Variants in ARMC2 observed in about 807,000 individuals in gnomAD.
ARMC2 encodes armadillo repeat-containing protein 2.
A neutral mutation model predicts 90.3 loss-of-function variants in ARMC2; 67 were observed. The ratio of observed to expected loss-of-function variants is 0.74; its 90% CI spans 0.61 to 0.91. The LOEUF is 0.91. ARMC2 is among the 40% of genes least tolerant of loss of function. ARMC2 has a pLI of 0.00. For missense variants in ARMC2, 920 were observed against 1,030.9 expected, an observed-to-expected ratio of 0.89 and a Z score of 1.47; for synonymous variants, 393 against 393.0, an observed-to-expected ratio of 1.00 and a Z score of 0.00.
At chr6:108,989,558 T>G in the ARMC2 span, among the ~76,000 whole-genome samples, 1 of 104,166 alleles carries the variant, frequency 9.6e-6, no homozygotes, top group African/African-American at 4.4e-5. Flanking sequence ...TAGATCTAGA[T>G]CTCTAGATCT....
the ARMC2 span, chr6:108,988,822 A>C: frequency 1.4e-3 from 879 of 628,408 alleles, 5 homozygotes; most frequent in African/African-American, 0.015. Context: ...AAAATGATAG[A>C]GCTTTATAAC....
chr6:108,864,211 G>A lies in ARMC2; in HGVS notation c.292-4613G>A, dbSNP rs377590412. On this transcript the variant is annotated intron_variant, in intron 3 of 17. Transcript: ENST00000392644. ...TAATAGAAATGCACACAGAACTGCC[G>A]CGTCACAAAGGTTCTGTGCTTGTGT... Among the ~76,000 whole-genome samples the A allele has an allele frequency of 5.9e-5, 9 of 151,886 alleles. No individual in the cohort carries two copies. The East Asian group carries it at 9.7e-4, about 16-fold the overall frequency.
chr6:108,885,344 T>C (rs1777983278), intron 5 of ARMC2, among the ~76,000 whole-genome samples: 1 of 152,144 alleles, frequency 6.6e-6, no homozygotes, highest in Non-Finnish European at 1.5e-5. Flanking sequence ...TTTAAAACCA[T>C]GTCCTTTAAT....
intron 11 of ARMC2, among the ~76,000 whole-genome samples, chr6:108,928,725 T>C (rs1775295233): frequency 6.6e-6 from 1 of 152,196 alleles, no homozygotes; most frequent in African/African-American, 2.4e-5. Flanking sequence ...CTTCCAGAAA[T>C]AATGATCATT....
the ARMC2 span, among the ~76,000 whole-genome samples, chr6:108,980,555 A>G: frequency 7.2e-3 from 1,083 of 151,154 alleles, 19 homozygotes; most frequent in African/African-American, 0.025. Flanking sequence ...TGCTCTCTTC[A>G]GAGCCAGCAG....
rs1774769282 is a variant in ARMC2 at position 108,923,276 on chromosome 6, C to T, written c.1351-4812C>T. Among the ~76,000 whole-genome samples, 3 of 152,066 alleles carry T rather than the reference C, an allele frequency of 2.0e-5. No homozygotes were observed. The South Asian group carries it at 6.2e-4, about 32-fold the overall frequency. On this transcript the variant is annotated intron_variant, in intron 10 of 17. Coordinates refer to ENST00000392644, the MANE Select transcript of ARMC2 (RefSeq NM_032131.6). ...AGAAAAATGTGTGTTTAAGTTTGTGCATTTATAGATAATATAAATTAGAAT... is the reference window on the plus strand; with the variant it reads ...AGAAAAATGTGTGTTTAAGTTTGTGTATTTATAGATAATATAAATTAGAAT...
the ARMC2 span, among the ~76,000 whole-genome samples, chr6:109,046,225 C>T: frequency 2.2e-4 from 33 of 148,320 alleles, no homozygotes; most frequent in Non-Finnish European, 5.0e-4. Context: ...TGCCGAGTGC[C>T]TGCGATTGCA....
At chr6:109,040,711 G>A in the ARMC2 span, among the ~76,000 whole-genome samples, 1 of 149,546 alleles carries the variant, frequency 6.7e-6, no homozygotes, top group Admixed American at 6.7e-5. Flanking sequence ...GGAGTGCAGT[G>A]GCGCAATCTC....
the ARMC2 span, among the ~76,000 whole-genome samples, chr6:109,026,828 A>T: frequency 6.6e-6 from 1 of 152,124 alleles, no homozygotes; most frequent in Non-Finnish European, 1.5e-5. Context: ...AGTAACTGCC[A>T]AACTGTTTTC....
At chr6:109,032,619 T>G in the ARMC2 span, among the ~76,000 whole-genome samples, 47 of 147,828 alleles carry the variant, frequency 3.2e-4, no homozygotes, top group African/African-American at 1.1e-3. Flanking sequence ...CTTCATCTCG[T>G]GGGGGGAGTG....
At chr6:108,942,775 T>C (rs1776547115) in intron 12 of ARMC2, among the ~76,000 whole-genome samples, 1 of 152,194 alleles carries the variant, frequency 6.6e-6, no homozygotes. Context: ...TTAGTATTGC[T>C]TCTGTCTTGA....
At chr6:108,860,727 C>A (rs60409294) in intron 3 of ARMC2, among the ~76,000 whole-genome samples, 2,400 of 150,182 alleles carry the variant, frequency 0.016, 78 homozygotes, top group African/African-American at 0.057. Context: ...TAGGTGGTAT[C>A]TACCCACACC....
intron 11 of ARMC2, among the ~76,000 whole-genome samples, chr6:108,934,662 C>T (rs1308045355): frequency 1.3e-5 from 2 of 152,126 alleles, no homozygotes; most frequent in Non-Finnish European, 2.9e-5. Flanking sequence ...ATATTGTTGA[C>T]TACTGATTCA....
At chr6:108,885,171 A>G (rs1013139278) in intron 5 of ARMC2, among the ~76,000 whole-genome samples, 3 of 152,116 alleles carry the variant, frequency 2.0e-5, no homozygotes, top group Non-Finnish European at 2.9e-5. Context: ...AATCGTGTAT[A>G]TATATATAGA....
At chr6:108,943,082 T>C (rs1475544907) in intron 12 of ARMC2, among the ~76,000 whole-genome samples, 2 of 152,204 alleles carry the variant, frequency 1.3e-5, no homozygotes, top group African/African-American at 2.4e-5. Flanking sequence ...GGCCGTTTGC[T>C]GTTGGAAGAA....
Position 108,936,997 on chromosome 6 carries a change from C to T in ARMC2, c.1594C>T (p.Gln532Ter). Residue 532 changes from glutamine (Q) to a stop codon, truncating the protein, a stop_gained and splice_region_variant, in exon 12 of 18, where the codon CAG becomes TAG. Transcript: ENST00000392644. LOFTEE classifies it high-confidence loss of function. ...LNLINKYQKK[Q>*]DLVVRVVFIL... ...TCTAATTAACAAATACCAGAAGAAGCAGGTCAGTTCTTCATTCATTTAATT... is the reference window on the plus strand; with the variant it reads ...TCTAATTAACAAATACCAGAAGAAGTAGGTCAGTTCTTCATTCATTTAATT... 1.3e-6 allele frequency: 2 copies of T among 1,582,324 alleles called. No individual in the cohort carries two copies. The highest frequency in any genetic ancestry group is 1.7e-6 in the Non-Finnish European group (2 of 1,161,744).
the ARMC2 span, among the ~76,000 whole-genome samples, chr6:109,031,932 T>C: frequency 4.6e-5 from 7 of 152,156 alleles, no homozygotes; most frequent in East Asian, 1.3e-3. Flanking sequence ...AAACATGAAA[T>C]TCACTTGTTT....
chr6:108,964,171 C>T lies in ARMC2; in HGVS notation c.2153-9C>T, dbSNP rs1562435616. ...TTTACTGGTCTGCATTTGCTCTCTT[C>T]CCTCGTAGTCCACAGGTTCATGATG... On this transcript the variant is annotated splice_polypyrimidine_tract_variant and intron_variant, in intron 15 of 17. Coordinates refer to ENST00000392644, the MANE Select transcript of ARMC2 (RefSeq NM_032131.6). The T allele has an allele frequency of 6.2e-7, 1 of 1,610,850 alleles. No individual in the cohort carries two copies. The highest frequency in any genetic ancestry group is 1.3e-5 in the African/African-American group (1 of 74,852).
At chr6:108,944,868 C>T (rs1776694105) in intron 12 of ARMC2, among the ~76,000 whole-genome samples, 1 of 152,092 alleles carries the variant, frequency 6.6e-6, no homozygotes, top group Admixed American at 6.6e-5. Flanking sequence ...TCCCAGCTCT[C>T]ATAAATGACT....
Sources: allele counts gnomAD v4.1 joint callset (sites outside exome capture counted in the v4.1 genomes callset), GRCh38; gene constraint gnomAD v4.1.1; transcripts MANE v1.5; gene names NCBI Gene and HGNC (gene_info 2026-07-23, HGNC 2026-07-21).